The following GALNT13 variants were observed in gnomAD, a reference collection of about 807,000 sequenced individuals.
The protein encoded by GALNT13 is polypeptide N-acetylgalactosaminyltransferase 13, also known as UDP-GalNAc:polypeptide N-acetylgalactosaminyltransferase 13.
GALNT13 carries 28 observed loss-of-function variants against 64.2 expected under a neutral mutation model. That is an observed-to-expected ratio of 0.44 (90% CI 0.32 to 0.60). The LOEUF is 0.60. GALNT13 is among the 20% of genes least tolerant of loss of function. GALNT13 has a pLI of 0.05. For missense variants in GALNT13, 577 were observed against 669.8 expected (o/e 0.86, Z 1.53); for synonymous variants, 214 against 224.6 (o/e 0.95, Z 0.42).
the GALNT13 span, among the ~76,000 whole-genome samples, chr2:153,179,097 G>A: frequency 1.9e-4 from 29 of 152,126 alleles, no homozygotes; most frequent in Non-Finnish European, 3.1e-4. Context: ...AGATCAAATC[G>A]AAAATATCAT....
chr2:153,082,656 CACACACACA>C, the GALNT13 span, among the ~76,000 whole-genome samples: 3 of 77,776 alleles, frequency 3.9e-5, no homozygotes, highest in Non-Finnish European at 8.2e-5. Context: ...CACACACACA[CACACACACA>C]TATATATAAT....
rs1054494361 is a variant in GALNT13, at chr2:154,407,407, T to C, written c.1297-1577T>C. Among the ~76,000 whole-genome samples, 5 of 152,138 alleles carry C rather than the reference T, an allele frequency of 3.3e-5. 1 individual carries two copies. The highest frequency in any genetic ancestry group is 9.7e-5 in the African/African-American group (4 of 41,436). ...AGGGATTTAAAAATAATTCAACTTA[T>C]ATAATTTGATCAGACTATGTGCAAC... On this transcript the variant is annotated intron_variant, in intron 10 of 12. Transcript: ENST00000392825.
At chr2:153,100,810 C>T in the GALNT13 span, among the ~76,000 whole-genome samples, 20 of 152,148 alleles carry the variant, frequency 1.3e-4, no homozygotes, top group Non-Finnish European at 2.8e-4. Flanking sequence ...AGGGAGATCT[C>T]TTGAGGCCAG....
chr2:153,070,996 T>A, the GALNT13 span, among the ~76,000 whole-genome samples: 3 of 152,208 alleles, frequency 2.0e-5, no homozygotes, highest in African/African-American at 4.8e-5. Context: ...ATTATTTTTT[T>A]ATTTAGCCTA....
At chr2:154,153,112 G>T (rs879390037) in intron 4 of GALNT13, among the ~76,000 whole-genome samples, 6 of 152,144 alleles carry the variant, frequency 3.9e-5, no homozygotes, top group Non-Finnish European at 8.8e-5. Context: ...GGTTTTTGGT[G>T]TGGATGTCCT....
In GALNT13 at chr2:154,076,345, G is replaced by A. The variant is rs181071393; in HGVS notation, c.143-63992G>A. ...TCCATATGGAGAAGGATCAGAAATCGCAGTCATGATATCAATGAGCAACAG... is the reference window on the plus strand; with the variant it reads ...TCCATATGGAGAAGGATCAGAAATCACAGTCATGATATCAATGAGCAACAG... On this transcript the variant is annotated intron_variant, in intron 3 of 12. Coordinates refer to ENST00000392825, the MANE Select transcript of GALNT13 (RefSeq NM_052917.4). 5.9e-5 allele frequency among the ~76,000 whole-genome samples: 9 copies of A among 151,748 alleles called. No individual in the cohort carries two copies. In the East Asian group the frequency reaches 1.2e-3, roughly 20 times the overall value.
chr2:154,051,211 T>C (rs11677278), intron 3 of GALNT13, among the ~76,000 whole-genome samples: 27,668 of 151,920 alleles, frequency 0.18, 3,326 homozygotes, highest in Non-Finnish European at 0.26. Flanking sequence ...GTATAACTTG[T>C]TAAATTTCAC....
the GALNT13 span, among the ~76,000 whole-genome samples, chr2:153,826,870 G>C: frequency 6.6e-6 from 1 of 152,156 alleles, no homozygotes; most frequent in South Asian, 2.1e-4. Context: ...GTAGTAATTA[G>C]GTGTGTTCTA....
intron 2 of GALNT13, among the ~76,000 whole-genome samples, chr2:153,901,510 G>C (rs1688234648): frequency 2.0e-5 from 3 of 151,950 alleles, no homozygotes; most frequent in Admixed American, 2.0e-4. Flanking sequence ...GTGTTTTGTT[G>C]AGAACTTTCT....
the GALNT13 span, among the ~76,000 whole-genome samples, chr2:153,780,629 C>A: frequency 6.6e-6 from 1 of 152,098 alleles, no homozygotes; most frequent in South Asian, 2.1e-4. Context: ...ACCACTAGAT[C>A]ATACCATTGC....
chr2:153,927,023 A>T (rs1690189910), intron 2 of GALNT13, among the ~76,000 whole-genome samples: 1 of 152,078 alleles, frequency 6.6e-6, no homozygotes, highest in Non-Finnish European at 1.5e-5. Flanking sequence ...GCAATTTTTA[A>T]AAATAGTGTC....
chr2:153,148,577 A>G, the GALNT13 span, among the ~76,000 whole-genome samples: 1 of 149,702 alleles, frequency 6.7e-6, no homozygotes, highest in African/African-American at 2.5e-5. Context: ...ACCAGTGCTT[A>G]GTGTGTAAGG....
intron 9 of GALNT13, among the ~76,000 whole-genome samples, chr2:154,303,269 G>A (rs1205596473): frequency 2.6e-5 from 4 of 152,004 alleles, no homozygotes; most frequent in Non-Finnish European, 5.9e-5. Context: ...GATTTTATAG[G>A]CAGGCTTGAG....
intron 3 of GALNT13, among the ~76,000 whole-genome samples, chr2:154,031,012 A>G (rs1378398739): frequency 6.6e-6 from 1 of 152,152 alleles, no homozygotes; most frequent in Non-Finnish European, 1.5e-5. Flanking sequence ...TAAAAATAAA[A>G]CATGTTTCTC....
chr2:153,281,040 T>C, the GALNT13 span, among the ~76,000 whole-genome samples: 1 of 152,216 alleles, frequency 6.6e-6, no homozygotes, highest in Non-Finnish European at 1.5e-5. Flanking sequence ...ATCTGGGTGC[T>C]CTAATGTTGG....
At chr2:154,346,325 C>CCT (rs745784597) in intron 9 of GALNT13, among the ~76,000 whole-genome samples, 1 of 151,962 alleles carries the variant, frequency 6.6e-6, no homozygotes, top group Non-Finnish European at 1.5e-5. Context: ...AACCATCTGT[C>CCT]CTCTCTCTCA....
At chr2:154,003,526 C>A (rs1021014352) in intron 3 of GALNT13, among the ~76,000 whole-genome samples, 1 of 152,128 alleles carries the variant, frequency 6.6e-6, no homozygotes, top group African/African-American at 2.4e-5. Flanking sequence ...GGGAGTAATG[C>A]TGAGGGATCT....
At chr2:153,816,837 A>G in the GALNT13 span, among the ~76,000 whole-genome samples, 1 of 152,164 alleles carries the variant, frequency 6.6e-6, no homozygotes, top group Non-Finnish European at 1.5e-5. Flanking sequence ...AATATGTCAC[A>G]TCTCAGGCCA....
chr2:154,117,052 T>C (rs1038058623), intron 3 of GALNT13, among the ~76,000 whole-genome samples: 1 of 152,168 alleles, frequency 6.6e-6, no homozygotes, highest in East Asian at 1.9e-4. Flanking sequence ...GCATCCAGCA[T>C]GGGAGAAAAA....
Sources: gnomAD v4.1 joint callset for allele counts (sites outside exome capture counted in the v4.1 genomes callset) on GRCh38, gnomAD v4.1.1 for gene constraint, MANE v1.5 for transcripts, NCBI Gene and HGNC (gene_info 2026-07-23, HGNC 2026-07-21) for gene names.